The following UNC5D variants were observed in gnomAD, a reference collection of about 807,000 sequenced individuals.
UNC5D encodes the protein unc-5 netrin receptor D, also known as netrin receptor UNC5D.
In UNC5D, 39 loss-of-function variants were observed where a neutral mutation model predicts 105.4. The ratio of observed to expected loss-of-function variants is 0.37; its 90% CI spans 0.29 to 0.48. The LOEUF is 0.48. Among genes scored for constraint, UNC5D ranks in the 20% least tolerant of loss-of-function variants. The pLI, the probability that UNC5D is intolerant of heterozygous loss-of-function variation, is 0.98. For missense variants in UNC5D, 991 were observed against 1,202.4 expected, an observed-to-expected ratio of 0.82 and a Z score of 2.60; for synonymous variants, 452 against 450.4, an observed-to-expected ratio of 1.00 and a Z score of -0.04.
At chr8:35,734,980 A>G (rs1829390221) in intron 11 of UNC5D, among the ~76,000 whole-genome samples, 1 of 150,958 alleles carries the variant, frequency 6.6e-6, no homozygotes, top group African/African-American at 2.4e-5. Flanking sequence ...GACAGGGCAT[A>G]TTGGCCAGGC....
At chr8:35,428,223 G>A (rs1806374318) in intron 1 of UNC5D, among the ~76,000 whole-genome samples, 2 of 151,956 alleles carry the variant, frequency 1.3e-5, no homozygotes, top group Non-Finnish European at 2.9e-5. Context: ...TGTCACCCAG[G>A]CTGGACTGCA....
intron 1 of UNC5D, among the ~76,000 whole-genome samples, chr8:35,478,196 A>T (rs1049407577): frequency 1.3e-5 from 2 of 152,108 alleles, no homozygotes; most frequent in African/African-American, 4.8e-5. Flanking sequence ...CTCTTCAAAA[A>T]TTTTTTGAAT....
rs922830386 is a variant in UNC5D at position 35,724,013 on chromosome 8, A to G, written c.1303+1618A>G. 9.6e-5 allele frequency: 64 copies of G among 668,292 alleles called. No individual in the cohort carries two copies. In the African/African-American group the frequency reaches 1.0e-3, roughly 10 times the overall value. The allele number at this position is 668,292 out of a possible 1,614,324, so 41.4% of individuals were successfully genotyped here. ...AGCCCTTGGCATATGGAAAGCGCTC[A>G]CAAATGCAGCGAATAGAGTTCTAGA... On this transcript the variant is annotated intron_variant, in intron 9 of 16. Coordinates refer to ENST00000404895, the MANE Select transcript of UNC5D (RefSeq NM_080872.4).
At chr8:35,365,028 T>A (rs1471667278) in intron 1 of UNC5D, among the ~76,000 whole-genome samples, 2 of 152,170 alleles carry the variant, frequency 1.3e-5, no homozygotes, top group East Asian at 3.9e-4. Flanking sequence ...ATAGAGTTAG[T>A]TTCACTTGTT....
chr8:35,405,384 A>G (rs114192624), intron 1 of UNC5D, among the ~76,000 whole-genome samples: 4 of 152,340 alleles, frequency 2.6e-5, no homozygotes, highest in African/African-American at 9.6e-5. Context: ...GACTGAATAG[A>G]TAACATCATA....
intron 7 of UNC5D, among the ~76,000 whole-genome samples, chr8:35,693,308 C>T (rs2131382632): frequency 6.6e-6 from 1 of 152,248 alleles, no homozygotes; most frequent in East Asian, 1.9e-4. Flanking sequence ...GAATAAAATG[C>T]ACGCAACAAA....
chr8:35,375,010 A>G (rs1001456778), intron 1 of UNC5D, among the ~76,000 whole-genome samples: 4 of 152,200 alleles, frequency 2.6e-5, no homozygotes, highest in African/African-American at 9.6e-5. Context: ...TTCATAGTTG[A>G]CTTTTAAAAT....
intron 1 of UNC5D, among the ~76,000 whole-genome samples, chr8:35,340,692 T>G (rs1268717714): frequency 2.0e-5 from 3 of 152,140 alleles, no homozygotes; most frequent in Non-Finnish European, 2.9e-5. Context: ...ACCCACTGTG[T>G]GCAAAGCATG....
At chr8:35,406,146 T>A (rs914858963) in intron 1 of UNC5D, among the ~76,000 whole-genome samples, 1 of 152,196 alleles carries the variant, frequency 6.6e-6, no homozygotes, top group African/African-American at 2.4e-5. Flanking sequence ...AGACTAGCGA[T>A]AACAAACTTT....
chr8:35,272,096 TA>T (rs1805446733), intron 1 of UNC5D, among the ~76,000 whole-genome samples: 1 of 152,010 alleles, frequency 6.6e-6, no homozygotes, highest in African/African-American at 2.4e-5. Context: ...GAATTAATGC[TA>T]GGCTGTTTTT....
chr8:35,402,737 C>T (rs955649219), intron 1 of UNC5D, among the ~76,000 whole-genome samples: 2 of 152,144 alleles, frequency 1.3e-5, no homozygotes, highest in Non-Finnish European at 2.9e-5. Context: ...CCTGCTACTG[C>T]TTCCTCTTCT....
chr8:35,741,266 G>A (rs1829745351), intron 11 of UNC5D, among the ~76,000 whole-genome samples: 1 of 152,256 alleles, frequency 6.6e-6, no homozygotes, highest in African/African-American at 2.4e-5. Flanking sequence ...TCTCTGTGTG[G>A]TGTTGCTCAA....
chr8:35,489,990 AAG>A (rs1278624489), intron 1 of UNC5D, among the ~76,000 whole-genome samples: 1 of 152,224 alleles, frequency 6.6e-6, no homozygotes, highest in African/African-American at 2.4e-5. Flanking sequence ...ATCCACTAAA[AAG>A]AGAGAGATCA....
chr8:35,754,616 G>T (rs1327721684), intron 13 of UNC5D, among the ~76,000 whole-genome samples: 1 of 152,144 alleles, frequency 6.6e-6, no homozygotes, highest in Non-Finnish European at 1.5e-5. Context: ...TCAGAACTGG[G>T]TGGGGACCAG....
At chr8:35,459,262 T>C (rs1011745178) in intron 1 of UNC5D, among the ~76,000 whole-genome samples, 12 of 152,294 alleles carry the variant, frequency 7.9e-5, no homozygotes, top group East Asian at 1.9e-4. Context: ...ATTTACTCAT[T>C]TGGGGTGGCT....
chr8:35,568,281 A>G (rs1817492350), intron 3 of UNC5D, 40 bp downstream of exon 3: 2 of 1,606,362 alleles, frequency 1.2e-6, no homozygotes, highest in Non-Finnish European at 1.7e-6. Context: ...TAGGACCACA[A>G]ATGAGAGTTA....
intron 1 of UNC5D, among the ~76,000 whole-genome samples, chr8:35,367,817 C>A (rs1034744004): frequency 2.0e-5 from 3 of 152,108 alleles, no homozygotes; most frequent in Non-Finnish European, 4.4e-5. Context: ...TGAGTCAAAC[C>A]AGTTAATCAT....
chr8:35,558,988 A>G (rs77198287), intron 2 of UNC5D, among the ~76,000 whole-genome samples: 18 of 146,908 alleles, frequency 1.2e-4, no homozygotes, highest in African/African-American at 2.2e-4. Context: ...TCTCCAGGGG[A>G]AAAAAAAAAA....
At chr8:35,761,248 T>C (rs762012851) in intron 14 of UNC5D, among the ~76,000 whole-genome samples, 1 of 152,224 alleles carries the variant, frequency 6.6e-6, no homozygotes, top group Non-Finnish European at 1.5e-5. Context: ...TGTATTAATC[T>C]TTATAGGTTA....
Sources: gnomAD v4.1 joint callset for allele counts (sites outside exome capture counted in the v4.1 genomes callset) on GRCh38, gnomAD v4.1.1 for gene constraint, MANE v1.5 for transcripts, NCBI Gene and HGNC (gene_info 2026-07-23, HGNC 2026-07-21) for gene names.